Variants in WDR3 observed in about 807,000 individuals in gnomAD.
The protein encoded by WDR3 is WD repeat domain 3, also known as WD repeat-containing protein 3.
A neutral mutation model predicts 123.7 loss-of-function variants in WDR3; 81 were observed. That is an observed-to-expected ratio of 0.65 (90% confidence interval 0.55 to 0.79). The LOEUF (loss-of-function observed/expected upper bound fraction) is 0.79. Ranked by LOEUF, WDR3 falls within the 30% of genes least tolerant of loss-of-function variation. The probability of loss-of-function intolerance (pLI) is 0.00; values close to 1 mark genes in which losing one functional copy is unlikely to be tolerated. For synonymous variants in WDR3, 390 were observed against 388.8 expected (o/e 1.00, Z -0.04); for missense variants, 1,027 against 1,123.2 (o/e 0.91, Z 1.22).
chr1:117,936,094 T>C (rs1557817139), intron 3 of WDR3, among the ~76,000 whole-genome samples: 1 of 152,024 alleles, frequency 6.6e-6, no homozygotes, highest in Non-Finnish European at 1.5e-5. Flanking sequence ...TTTTTACTTA[T>C]GATATTTGTA....
chr1:117,954,471 C>A, intron 22 of WDR3, 109 bp from the exon 23 acceptor site: 2 of 1,079,426 alleles, frequency 1.9e-6, no homozygotes, highest in South Asian at 1.6e-5. Context: ...TTTTTAGGGT[C>A]TCTTTTTTCC....
At chr1:117,955,287 A>C (rs778031499) in intron 23 of WDR3, 28 bp from the exon 24 acceptor site, 2 of 1,597,106 alleles carry the variant, frequency 1.3e-6, no homozygotes, top group Non-Finnish European at 1.7e-6. Flanking sequence ...CAAGAGTATC[A>C]CTAATGGTAT....
At position 117,946,189 on chromosome 1, in the gene WDR3, G is replaced by T. The variant is rs774502990; in HGVS notation, c.1422+10G>T. The T allele has an allele frequency of 2.1e-5, 34 of 1,590,930 alleles. No homozygotes were observed. Among genetic ancestry groups the T allele is most frequent in the Non-Finnish European group, 2.9e-5 (34 of 1,167,808 alleles). The stretch of plus-strand genomic sequence containing the variant: ...AGTCATAGGAACAAAGGTAAATGGA[G>T]ACTTTTTCTGGGATATCTGGATCTT... On this transcript the variant is annotated intron_variant, in intron 12 of 26. Transcript: ENST00000349139.
chr1:117,956,966 A>G (rs1386697492), intron 24 of WDR3, 102 bp from the exon 25 acceptor site: 17 of 1,055,418 alleles, frequency 1.6e-5, no homozygotes, highest in Non-Finnish European at 2.0e-5. Context: ...GTATCCAAGT[A>G]TAAAATCAGT....
At position 117,963,322 on chromosome 1, in the gene WDR3, A is replaced by G. The variant is rs976266351; in HGVS notation, c.*3875A>G. ...TTGCATGAGCATTACATTTTATAAT[A>G]TATATAAAGAAGCAACTAGTATAGT... On this transcript the variant is annotated 3_prime_UTR_variant, in exon 27 of 27. Transcript: ENST00000349139. The G allele has an allele frequency of 6.6e-6, 1 of 152,160 alleles. No homozygotes were observed. The highest frequency in any genetic ancestry group is 2.4e-5 in the African/African-American group (1 of 41,354). The allele number at this position is 152,160 out of a possible 1,614,324, so 9.4% of individuals were successfully genotyped here.
chr1:117,932,272 GC>G, intron 1 of WDR3, among the ~76,000 whole-genome samples: 1 of 152,334 alleles, frequency 6.6e-6, no homozygotes, highest in Middle Eastern at 3.4e-3. Context: ...AGGGTAAGTG[GC>G]TGCTCTGATT....
chr1:117,943,056 G>A (rs924576609), intron 10 of WDR3, among the ~76,000 whole-genome samples: 1 of 151,924 alleles, frequency 6.6e-6, no homozygotes, highest in Non-Finnish European at 1.5e-5. Context: ...AGGTTCAAGC[G>A]ATTCTCCTGC....
chr1:117,933,461 TTC>T lies in WDR3; in HGVS notation c.143_144del (p.Phe48TyrfsTer17), dbSNP rs1650806513. ...YVAVPACEHV[F>X]IWDLRKGEKI... The stretch of plus-strand genomic sequence containing the variant: ...GGCAGTACCAGCTTGTGAACACGTT[TTC>T]ATCTGGGACTTAAGGAAAGGAGAGA... On this transcript the variant is annotated frameshift_variant, in exon 2 of 27. Coordinates refer to ENST00000349139, the MANE Select transcript of WDR3 (RefSeq NM_006784.3). LOFTEE classifies it high-confidence loss of function. 6.2e-7 allele frequency: 1 copy of T among 1,614,172 alleles called. No homozygotes were observed. Among genetic ancestry groups the T allele is most frequent in the Non-Finnish European group, 8.5e-7 (1 of 1,180,014 alleles).
chr1:117,945,077 C>G (rs1571016222), intron 11 of WDR3, among the ~76,000 whole-genome samples: 1 of 152,166 alleles, frequency 6.6e-6, no homozygotes, highest in Non-Finnish European at 1.5e-5. Flanking sequence ...CCAAATCCAG[C>G]CTCATCTTAC....
At chr1:117,949,478 T>A (rs1167952230) in intron 13 of WDR3, among the ~76,000 whole-genome samples, 4 of 152,186 alleles carry the variant, frequency 2.6e-5, no homozygotes, top group Admixed American at 6.6e-5. Context: ...TACTGAGAGT[T>A]TTTGTTTCTT....
chr1:117,964,108 G>T lies in WDR3; in HGVS notation c.*4661G>T. 1.6e-6 allele frequency: 1 copy of T among 619,390 alleles called. No individual in the cohort carries two copies. The highest frequency in any genetic ancestry group is 2.7e-6 in the Non-Finnish European group (1 of 366,042). 38.4% of individuals were successfully genotyped at this position (619,390 alleles called of 1,614,324 possible). ...TGCTCAGGCTTGGGGGTTAGAGGATGGATATGCCAATGTCTAGAATGTCTT... is the reference window on the plus strand; with the variant it reads ...TGCTCAGGCTTGGGGGTTAGAGGATTGATATGCCAATGTCTAGAATGTCTT... On this transcript the variant is annotated 3_prime_UTR_variant, in exon 27 of 27. Coordinates refer to ENST00000349139, the MANE Select transcript of WDR3 (RefSeq NM_006784.3).
intron 20 of WDR3, 37 bp downstream of exon 20, chr1:117,953,033 T>TA: frequency 6.3e-7 from 1 of 1,599,436 alleles, no homozygotes; most frequent in Non-Finnish European, 8.5e-7. Context: ...TTATGCCCCA[T>TA]ATATAGTTAT....
At chr1:117,936,969 C>T in intron 4 of WDR3, 82 bp downstream of exon 4, 1 of 1,180,986 alleles carries the variant, frequency 8.5e-7, no homozygotes, top group South Asian at 1.4e-5. Flanking sequence ...CTCTCATGAG[C>T]AGTGTGCTCA....
chr1:117,938,417 C>T (rs760956383), intron 4 of WDR3, 63 bp from the exon 5 acceptor site: 2 of 1,339,114 alleles, frequency 1.5e-6, no homozygotes, highest in East Asian at 2.3e-5. Flanking sequence ...TTTTGGATCT[C>T]CCTATTCGTT....
intron 5 of WDR3, 30 bp from the exon 6 acceptor site, chr1:117,939,447 G>GT: frequency 6.5e-7 from 1 of 1,549,162 alleles, no homozygotes; most frequent in Non-Finnish European, 8.8e-7. Flanking sequence ...CTTGAAAATC[G>GT]TATTACTCAA....
At chr1:117,949,706 T>G (rs761272812) in intron 13 of WDR3, 45 bp from the exon 14 acceptor site, 55 of 1,592,230 alleles carry the variant, frequency 3.5e-5, no homozygotes, top group Admixed American at 8.6e-5. Context: ...TAGCAAAGTT[T>G]TTATGCTAAA....
intron 2 of WDR3, among the ~76,000 whole-genome samples, chr1:117,934,100 T>G (rs1389817808): frequency 6.6e-6 from 1 of 152,354 alleles, no homozygotes; most frequent in African/African-American, 2.4e-5. Flanking sequence ...ACAGATTATT[T>G]TCTTATAAAA....
At chr1:117,937,181 T>G (rs942653833) in intron 4 of WDR3, among the ~76,000 whole-genome samples, 2 of 152,162 alleles carry the variant, frequency 1.3e-5, no homozygotes, top group African/African-American at 4.8e-5. Context: ...ACCTTCTAGA[T>G]CTCTAGAAAG....
Position 117,933,410 on chromosome 1 carries a change from C to G in WDR3, c.91C>G (p.Leu31Val). The change falls in exon 2 of 27, where the codon CTT becomes GTT. Residue 31 changes from leucine (L) to valine (V), a missense_variant. Leu to Val is a conservative substitution (Grantham distance 32). Transcript: ENST00000349139. ...SQKGNIVFVT[L>V]RGEKGRYVAV... ...AAAAGGTAATATTGTCTTTGTGACA[C>G]TTCGTGGTGAGAAAGGACGTTATGT... The G allele has an allele frequency of 6.2e-7, 1 of 1,614,172 alleles. No individual in the cohort carries two copies. Among genetic ancestry groups the G allele is most frequent in the Non-Finnish European group, 8.5e-7 (1 of 1,180,036 alleles).
Sources: gnomAD v4.1 joint callset for allele counts (sites outside exome capture counted in the v4.1 genomes callset) on GRCh38, gnomAD v4.1.1 for gene constraint, MANE v1.5 for transcripts, NCBI Gene and HGNC (gene_info 2026-07-23, HGNC 2026-07-21) for gene names.